Variants in AKAP13 observed in about 807,000 individuals in gnomAD.
The protein encoded by AKAP13 is A-kinase anchor protein 13.
A neutral mutation model predicts 264.5 loss-of-function variants in AKAP13; 80 were observed. That is an observed-to-expected ratio of 0.30 (90% CI 0.25 to 0.36). The LOEUF is 0.36. Among genes scored for constraint, AKAP13 ranks in the 10% least tolerant of loss-of-function variants. The pLI, the probability that AKAP13 is intolerant of heterozygous loss-of-function variation, is 1.00. For missense variants in AKAP13, 3,712 were observed against 3,435.2 expected (o/e 1.08, Z -2.01); for synonymous variants, 1,380 against 1,250.2 (o/e 1.10, Z -2.19).
At chr15:85,666,050 A>G (rs1488913610) in intron 13 of AKAP13, among the ~76,000 whole-genome samples, 1 of 152,186 alleles carries the variant, frequency 6.6e-6, no homozygotes, top group African/African-American at 2.4e-5. Flanking sequence ...CAGTAATGGG[A>G]TCGTTGGGTC....
chr15:85,453,302 C>G (rs1282215035), intron 1 of AKAP13, among the ~76,000 whole-genome samples: 1 of 152,078 alleles, frequency 6.6e-6, no homozygotes, highest in Non-Finnish European at 1.5e-5. Context: ...GGCTGGAGCC[C>G]CAGGCTTGGA....
intron 1 of AKAP13, chr15:85,481,164 T>G (rs533096490): frequency 6.6e-6 from 1 of 152,340 alleles, no homozygotes; most frequent in African/African-American, 2.4e-5. Flanking sequence ...TGCCTGAGTT[T>G]CTCTGTGGTC....
At chr15:85,657,950 A>G (rs774603404) in intron 11 of AKAP13, among the ~76,000 whole-genome samples, 2 of 152,128 alleles carry the variant, frequency 1.3e-5, no homozygotes, top group African/African-American at 2.4e-5. Context: ...TGTGTCTGTC[A>G]TGTAGCTCAG....
chr15:85,566,626 CTTTTTTTTTTT>C (rs35129066), intron 5 of AKAP13, among the ~76,000 whole-genome samples: 5 of 135,294 alleles, frequency 3.7e-5, no homozygotes, highest in African/African-American at 1.4e-4. Flanking sequence ...AAATAACTTA[CTTTTTTTTTTT>C]TTTTTTTTAA....
intron 1 of AKAP13, among the ~76,000 whole-genome samples, chr15:85,421,144 A>G (rs1008536913): frequency 3.3e-5 from 5 of 152,242 alleles, no homozygotes; most frequent in African/African-American, 1.2e-4. Flanking sequence ...AAAACAAGCA[A>G]CTATTTTGTG....
At chr15:85,502,936 G>A (rs1047088405) in intron 2 of AKAP13, among the ~76,000 whole-genome samples, 5 of 152,086 alleles carry the variant, frequency 3.3e-5, no homozygotes, top group Non-Finnish European at 5.9e-5. Flanking sequence ...TACTTTATTT[G>A]GCTCTGTTTG....
rs532749575 is a variant in AKAP13 at position 85,403,357 on chromosome 15, C to T, written c.-12+22559C>T. On this transcript the variant is annotated intron_variant, in intron 1 of 36. Transcript: ENST00000394518. ...CAAGGAAATTGGGCATTTTTTTCTT[C>T]ACAACATAATTTATTGCTGGACACT... Among the ~76,000 whole-genome samples, 5 of 152,248 alleles carry T rather than the reference C, an allele frequency of 3.3e-5. No homozygotes were observed. In the East Asian group the frequency reaches 5.8e-4, roughly 18 times the overall value.
At chr15:85,594,917 G>A (rs2079743399) in intron 8 of AKAP13, among the ~76,000 whole-genome samples, 2 of 152,152 alleles carry the variant, frequency 1.3e-5, no homozygotes, top group African/African-American at 4.8e-5. Context: ...ATATGGAGTT[G>A]TCTACTTTAT....
rs2077306845 is a variant in AKAP13 at position 85,533,573 on chromosome 15, G to A, written c.182-11G>A. On this transcript the variant is annotated splice_polypyrimidine_tract_variant and intron_variant, in intron 3 of 36. Transcript: ENST00000394518. ...TAATACTGTTTTATTTGCTGCCTGT[G>A]TTTCCTTTAGGTCATGATTGTTGTG... 6.3e-7 allele frequency: 1 copy of A among 1,591,140 alleles called. No individual in the cohort carries two copies. Among genetic ancestry groups the A allele is most frequent in the Non-Finnish European group, 8.6e-7 (1 of 1,167,098 alleles).
chr15:85,615,992 G>A (rs2080919028), intron 8 of AKAP13, among the ~76,000 whole-genome samples: 1 of 152,168 alleles, frequency 6.6e-6, no homozygotes, highest in African/African-American at 2.4e-5. Flanking sequence ...TTTTCACTTA[G>A]TACCTTGTGT....
chr15:85,440,228 T>A (rs769202231), intron 1 of AKAP13, among the ~76,000 whole-genome samples: 4 of 152,216 alleles, frequency 2.6e-5, no homozygotes, highest in Non-Finnish European at 5.9e-5. Flanking sequence ...CTTTGCCTTT[T>A]CTTTTGACCA....
At chr15:85,433,825 C>T (rs1373710081) in intron 1 of AKAP13, among the ~76,000 whole-genome samples, 1 of 151,888 alleles carries the variant, frequency 6.6e-6, no homozygotes, top group East Asian at 1.9e-4. Context: ...CCTGTAATCC[C>T]AGCTACTCGG....
chr15:85,483,641 A>AACAAAAC (rs1567080811), intron 1 of AKAP13, among the ~76,000 whole-genome samples: 4 of 143,164 alleles, frequency 2.8e-5, no homozygotes, highest in African/African-American at 1.1e-4. Flanking sequence ...TCAAAAAAAA[A>AACAAAAC]AAAAAAAAAA....
chr15:85,693,061 G>T, intron 16 of AKAP13: 1 of 703,136 alleles, frequency 1.4e-6, no homozygotes, highest in Admixed American at 3.9e-5. Flanking sequence ...GAACTGTTCC[G>T]CCTGCCCAGT....
At chr15:85,483,641 A>AAACAAC (rs1274933165) in intron 1 of AKAP13, among the ~76,000 whole-genome samples, 3 of 143,262 alleles carry the variant, frequency 2.1e-5, no homozygotes, top group East Asian at 2.0e-4. Flanking sequence ...TCAAAAAAAA[A>AAACAAC]AAAAAAAAAA....
chr15:85,529,958 G>A (rs1230226495), intron 3 of AKAP13, among the ~76,000 whole-genome samples: 1 of 152,154 alleles, frequency 6.6e-6, no homozygotes, highest in African/African-American at 2.4e-5. Flanking sequence ...ATTCGTGTCT[G>A]AAGGGAAAAT....
At chr15:85,511,808 G>C (rs2076432118) in intron 2 of AKAP13, among the ~76,000 whole-genome samples, 1 of 152,060 alleles carries the variant, frequency 6.6e-6, no homozygotes, top group Non-Finnish European at 1.5e-5. Context: ...ATTTTTAACA[G>C]AATTTTTTTC....
intron 8 of AKAP13, among the ~76,000 whole-genome samples, chr15:85,614,402 G>C (rs1186142785): frequency 6.6e-6 from 1 of 152,126 alleles, no homozygotes; most frequent in Non-Finnish European, 1.5e-5. Flanking sequence ...TGTATGTTTG[G>C]TTTGTTCATT....
chr15:85,719,540 G>C (rs773628727), intron 23 of AKAP13, among the ~76,000 whole-genome samples: 24 of 152,288 alleles, frequency 1.6e-4, no homozygotes, highest in Admixed American at 4.6e-4. Flanking sequence ...GTTAAAGGGA[G>C]GGTATATATA....
Sources: allele counts gnomAD v4.1 joint callset (sites outside exome capture counted in the v4.1 genomes callset), GRCh38; gene constraint gnomAD v4.1.1; transcripts MANE v1.5; gene names NCBI Gene and HGNC (gene_info 2026-07-23, HGNC 2026-07-21).